The following KMT2C variants were observed in gnomAD, a reference collection of about 807,000 sequenced individuals.
The protein encoded by KMT2C is lysine methyltransferase 2C.
A neutral mutation model predicts 507.9 loss-of-function variants in KMT2C; 88 were observed. The ratio of observed to expected loss-of-function variants is 0.17; its 90% CI spans 0.15 to 0.21. The LOEUF is 0.21. Among genes scored for constraint, KMT2C ranks in the 10% least tolerant of loss-of-function variants. The probability of loss-of-function intolerance (pLI) is 1.00; values close to 1 mark genes in which losing one functional copy is unlikely to be tolerated. For missense variants in KMT2C, 4,954 were observed against 5,957.8 expected (o/e 0.83, Z 5.55); for synonymous variants, 2,049 against 2,080.8 (o/e 0.98, Z 0.42).
At position 152,222,781 on chromosome 7, in the gene KMT2C, C is replaced by T. The variant is rs959250711; in HGVS notation, c.3324-99G>A. 7 of 696,524 alleles carry T rather than the reference C, an allele frequency of 1.0e-5. No homozygotes were observed. The East Asian group carries it at 1.6e-4, about 16-fold the overall frequency. 43.1% of individuals were successfully genotyped at this position (696,524 alleles called of 1,614,324 possible). A position where few individuals can be genotyped will look rare whatever the true frequency, so the allele number is the denominator to read the frequency against. On this transcript the variant is annotated intron_variant, in intron 20 of 58. Coordinates refer to ENST00000262189, the MANE Select transcript of KMT2C (RefSeq NM_170606.3). ...AACACTGAGTCTTCAAACTTAAAAG[C>T]CCTAAGCCTCACATGCTCCTCCTAC... is the stretch of plus-strand genomic sequence containing the variant.
At position 152,135,150 on chromosome 7, in the gene KMT2C, G is replaced by A. The variant is rs1017491887; in HGVS notation, c.*1682C>T. On this transcript the variant is annotated 3_prime_UTR_variant, in exon 59 of 59. Transcript: ENST00000262189. ...ATATTCAGGAAACAAATTTCATACA[G>A]CTATTTATCAAGAGAAAAATATATA... 1.1e-4 allele frequency: 24 copies of A among 224,712 alleles called. No individual in the cohort carries two copies. In the East Asian group the frequency reaches 1.6e-3, roughly 15 times the overall value. 13.9% of individuals were successfully genotyped at this position (224,712 alleles called of 1,614,324 possible).
chr7:152,367,596 T>C, intron 1 of KMT2C: 1 of 1,294,618 alleles, frequency 7.7e-7, no homozygotes, highest in Non-Finnish European at 1.1e-6. Context: ...AGTATCCAGG[T>C]CCTTCTCATA....
chr7:152,340,148 ATTTTTTT>A (rs71885303), intron 2 of KMT2C, among the ~76,000 whole-genome samples: 1 of 127,646 alleles, frequency 7.8e-6, no homozygotes, highest in African/African-American at 2.9e-5. Flanking sequence ...TCACGCCTGG[ATTTTTTT>A]TTTTTTTTTT....
intron 1 of KMT2C, among the ~76,000 whole-genome samples, chr7:152,391,217 G>GT (rs1241834621): frequency 2.0e-5 from 3 of 147,136 alleles, no homozygotes; most frequent in Non-Finnish European, 4.5e-5. Context: ...TTTTTCCTAG[G>GT]TTTTTTGTCG....
At chr7:152,171,091 G>A (rs984810632) in intron 40 of KMT2C, among the ~76,000 whole-genome samples, 173 bp downstream of exon 40, 1 of 152,116 alleles carries the variant, frequency 6.6e-6, no homozygotes, top group African/African-American at 2.4e-5. Context: ...TATTTAGGTT[G>A]GTGAAAAAGT....
At chr7:152,346,659 C>G (rs1369568196) in intron 2 of KMT2C, among the ~76,000 whole-genome samples, 3 of 152,298 alleles carry the variant, frequency 2.0e-5, no homozygotes, top group Admixed American at 1.3e-4. Flanking sequence ...AACCCCCCCA[C>G]CACACAGTCA....
chr7:152,318,689 A>G (rs1442526705), intron 3 of KMT2C, among the ~76,000 whole-genome samples: 2 of 151,908 alleles, frequency 1.3e-5, no homozygotes, highest in Admixed American at 1.3e-4. Flanking sequence ...CAAATGACAT[A>G]TAAAACAAGG....
At chr7:152,348,599 T>TAAAAAAAAAAAAAAAAAAA (rs201530125) in intron 2 of KMT2C, among the ~76,000 whole-genome samples, 6 of 48,986 alleles carry the variant, frequency 1.2e-4, no homozygotes, top group Admixed American at 2.6e-4. Context: ...AACTCTGTCT[T>TAAAAAAAAAAAAAAAAAAA]AAAAAAAAAA....
chr7:152,414,029 G>T (rs2097708802), intron 1 of KMT2C, among the ~76,000 whole-genome samples: 1 of 152,014 alleles, frequency 6.6e-6, no homozygotes, highest in Non-Finnish European at 1.5e-5. Flanking sequence ...GACCAACATG[G>T]TGAAACCCTG....
chr7:152,360,388 G>A (rs1314023681), intron 1 of KMT2C, among the ~76,000 whole-genome samples: 1 of 151,670 alleles, frequency 6.6e-6, no homozygotes, highest in Non-Finnish European at 1.5e-5. Flanking sequence ...TGAGGCAGGA[G>A]AATCGCTTGA....
chr7:152,202,304 T>C (rs1475718018), intron 26 of KMT2C, among the ~76,000 whole-genome samples: 7 of 152,222 alleles, frequency 4.6e-5, no homozygotes, highest in African/African-American at 1.7e-4. Context: ...TTAATCTCAG[T>C]ACAATTTCTA....
chr7:152,330,887 A>C (rs1016724940), intron 2 of KMT2C, 148 bp from the exon 3 acceptor site: 1 of 690,114 alleles, frequency 1.4e-6, no homozygotes, highest in African/African-American at 1.8e-5. Context: ...TCATGCACGT[A>C]ATTAGTGGTA....
intron 6 of KMT2C, among the ~76,000 whole-genome samples, chr7:152,307,345 G>GGAGGGAGGGAAGGAGA (rs1264912221): frequency 1.4e-5 from 2 of 145,964 alleles, no homozygotes; most frequent in African/African-American, 2.5e-5. Context: ...AGGGAGGGAG[G>GGAGGGAGGGAAGGAGA]GAGGGAGGGA....
chr7:152,366,051 C>T (rs1009450891), intron 1 of KMT2C, among the ~76,000 whole-genome samples: 1 of 152,202 alleles, frequency 6.6e-6, no homozygotes, highest in Non-Finnish European at 1.5e-5. Context: ...TACCACCTCA[C>T]ACCCATTAGG....
Position 152,167,383 on chromosome 7 carries a change from G to T in KMT2C, c.9518-5C>A. On this transcript the variant is annotated splice_polypyrimidine_tract_variant and splice_region_variant and intron_variant, in intron 41 of 58. Coordinates refer to ENST00000262189, the MANE Select transcript of KMT2C (RefSeq NM_170606.3). The stretch of plus-strand genomic sequence containing the variant: ...ACTGCTTACGCTGTGAATCATCTGA[G>T]GAAAAATTAAAATTCAGTTGTGTTA... 6.3e-7 allele frequency: 1 copy of T among 1,581,636 alleles called. No individual in the cohort carries two copies. The highest frequency in any genetic ancestry group is 1.1e-5 in the South Asian group (1 of 88,838).
chr7:152,259,081 A>G (rs752437105), intron 9 of KMT2C, among the ~76,000 whole-genome samples: 4 of 149,332 alleles, frequency 2.7e-5, no homozygotes, highest in Non-Finnish European at 4.4e-5. Context: ...TTATAAGGGG[A>G]TATCAAAGAC....
rs771877165 is a variant in KMT2C, at chr7:152,148,765, T to A, written c.13162A>T (p.Thr4388Ser). Reference sequence around the variant, plus strand: ...GGCACAGGATCAGGTTTAAGGGAAGTGCCCAATTTCTTTAGAAATTCATCT... The same window carrying A: ...GGCACAGGATCAGGTTTAAGGGAAGAGCCCAATTTCTTTAGAAATTCATCT... ...EIDEFLKKLG[T>S]SLKPDPVPKD... Residue 4388 changes from threonine (T) to serine (S), a missense_variant, in exon 52 of 59, where the codon ACT becomes TCT. Thr to Ser is a moderately conservative substitution (Grantham distance 58). Coordinates refer to ENST00000262189, the MANE Select transcript of KMT2C (RefSeq NM_170606.3). The surrounding 1 kb of genome is among the most constrained non-coding windows in gnomAD (Gnocchi z 7.1). The A allele has an allele frequency of 6.2e-7, 1 of 1,614,242 alleles. No homozygotes were observed. The highest frequency in any genetic ancestry group is 1.1e-5 in the South Asian group (1 of 91,090).
chr7:152,140,398 G>A (rs930351051), intron 55 of KMT2C, among the ~76,000 whole-genome samples: 1 of 152,194 alleles, frequency 6.6e-6, no homozygotes. Flanking sequence ...AAGTTTGAAC[G>A]GGCTGAAATG....
At chr7:152,303,763 G>A (rs1328676079) in intron 6 of KMT2C, among the ~76,000 whole-genome samples, 1 of 152,142 alleles carries the variant, frequency 6.6e-6, no homozygotes, top group East Asian at 1.9e-4. Context: ...CAAGGCAGGC[G>A]GATCACCTGA....
Sources: gnomAD v4.1 joint callset for allele counts (sites outside exome capture counted in the v4.1 genomes callset) on GRCh38, gnomAD v4.1.1 for gene constraint, Gnocchi (gnomAD v3.1) non-coding constraint, MANE v1.5 for transcripts, NCBI Gene and HGNC (gene_info 2026-07-23, HGNC 2026-07-21) for gene names.